HSD17B2: variants seen among roughly 807,000 people sequenced by gnomAD.
The protein encoded by HSD17B2 is 17-beta-hydroxysteroid dehydrogenase type 2.
HSD17B2 carries 32 observed loss-of-function variants against 26.9 expected under a neutral mutation model. The observed-to-expected ratio is 1.19, with a 90% CI of 0.90 to 1.60. The LOEUF (loss-of-function observed/expected upper bound fraction) is 1.60, where lower values mean the gene tolerates loss of function less well. HSD17B2 is among the 40% of genes most tolerant of loss of function. The pLI, the probability that HSD17B2 is intolerant of heterozygous loss-of-function variation, is 0.00. For missense variants in HSD17B2, 613 were observed against 468.6 expected (o/e 1.31, Z -2.85); for synonymous variants, 246 against 186.7 (o/e 1.32, Z -2.59).
intron 2 of HSD17B2, 46 bp from the exon 3 acceptor site, chr16:82,070,896 C>A (rs1914681526): frequency 1.3e-6 from 2 of 1,554,464 alleles, no homozygotes; most frequent in African/African-American, 2.7e-5. Flanking sequence ...TTGTGTTATT[C>A]ACTTCCTCTT....
At chr16:82,081,740 C>T (rs1272779964) in intron 3 of HSD17B2, among the ~76,000 whole-genome samples, 2 of 152,176 alleles carry the variant, frequency 1.3e-5, no homozygotes, top group South Asian at 4.1e-4. Context: ...CACTGCCCCG[C>T]ACTTCTTTAT....
intron 3 of HSD17B2, among the ~76,000 whole-genome samples, chr16:82,078,061 A>G (rs1226183444): frequency 6.6e-6 from 1 of 152,232 alleles, no homozygotes; most frequent in African/African-American, 2.4e-5. Flanking sequence ...GCTTCTGCAC[A>G]GTGAAAGATA....
intron 1 of HSD17B2, among the ~76,000 whole-genome samples, chr16:82,059,033 G>C (rs111832058): frequency 2.0e-5 from 3 of 152,292 alleles, no homozygotes; most frequent in African/African-American, 4.8e-5. Context: ...CAGCCCAAGA[G>C]AGTCCGTACT....
At chr16:82,077,337 G>C (rs1333068989) in intron 3 of HSD17B2, among the ~76,000 whole-genome samples, 5 of 151,560 alleles carry the variant, frequency 3.3e-5, no homozygotes, top group African/African-American at 1.2e-4. Context: ...CAACAGAACA[G>C]GATAGAGAAC....
chr16:82,058,104 C>A lies in HSD17B2; in HGVS notation c.266-10066C>A, dbSNP rs538929970. ...TTTTTTTTTTTGAGATAGGGTTTTG[C>A]TCTGTCGCCTAGGCTGGAGTGCAGC... On this transcript the variant is annotated intron_variant, in intron 1 of 4. Coordinates refer to ENST00000199936, the MANE Select transcript of HSD17B2 (RefSeq NM_002153.3). Among the ~76,000 whole-genome samples, 3 of 144,240 alleles carry A rather than the reference C, an allele frequency of 2.1e-5. No homozygotes were observed. In the East Asian group the frequency reaches 6.0e-4, roughly 29 times the overall value. 94.6% of individuals were successfully genotyped at this position (144,240 alleles called of 152,430 possible).
chr16:82,098,231 C>T lies in HSD17B2; in HGVS notation c.959C>T (p.Pro320Leu), dbSNP rs150960173. ...INSLASKDFSPVLRDIQHAIL... is the reference protein window; with the variant it reads ...INSLASKDFSLVLRDIQHAIL... ...TCGTTAGCCAGCAAGGACTTCTCTC[C>T]GGTGCTGCGGGACATCCAGCATGCT... The change falls in exon 5 of 5, where the codon CCG becomes CTG. Residue 320 changes from proline to leucine, a missense_variant. Physicochemically the swap from Pro to Leu is moderately conservative, Grantham distance 98. Transcript: ENST00000199936. 482 of 1,614,186 alleles carry T rather than the reference C, an allele frequency of 3.0e-4. No individual in the cohort carries two copies. The highest frequency in any genetic ancestry group is 1.0e-3 in the Admixed American group (60 of 60,026).
At position 82,098,136 on chromosome 16, in the gene HSD17B2, C is replaced by T. The variant is rs747352010; in HGVS notation, c.864C>T (p.Pro288=). The change falls in exon 5 of 5, where the codon CCC becomes CCT. Residue 288 remains proline, a synonymous_variant. Transcript: ENST00000199936. Reference sequence around the variant, plus strand: ...AGAAGGACATTCTGGACCACCTCCCCGCTGAGGTACAGGAAGACTACGGCC... The same window carrying T: ...AGAAGGACATTCTGGACCACCTCCCTGCTGAGGTACAGGAAGACTACGGCC... The part of the protein sequence containing the change: ...KLEKDILDHL[P]AEVQEDYGQD... The T allele has an allele frequency of 2.5e-5, 41 of 1,613,964 alleles. No homozygotes were observed. The highest frequency in any genetic ancestry group is 3.1e-5 in the Non-Finnish European group (36 of 1,179,946).
chr16:82,096,288 C>A (rs888771646), intron 4 of HSD17B2: 1 of 152,202 alleles, frequency 6.6e-6, no homozygotes, highest in Non-Finnish European at 1.5e-5. Flanking sequence ...GTGGTGCGAT[C>A]TCAGCTCACT....
intron 1 of HSD17B2, among the ~76,000 whole-genome samples, chr16:82,063,664 T>C (rs1252225455): frequency 3.3e-5 from 5 of 152,216 alleles, no homozygotes; most frequent in African/African-American, 1.2e-4. Context: ...GTAAATATTT[T>C]GCTTTGCTAA....
chr16:82,083,991 T>G (rs1449443313), intron 3 of HSD17B2, among the ~76,000 whole-genome samples: 1 of 152,228 alleles, frequency 6.6e-6, no homozygotes, highest in Non-Finnish European at 1.5e-5. Flanking sequence ...TCGCCAGTTT[T>G]GCTCTTCAGA....
At chr16:82,051,648 G>C (rs1914110745) in intron 1 of HSD17B2, among the ~76,000 whole-genome samples, 1 of 152,144 alleles carries the variant, frequency 6.6e-6, no homozygotes, top group Non-Finnish European at 1.5e-5. Context: ...GTGACGAGTT[G>C]ATAGGTGAAG....
chr16:82,058,613 C>T (rs1482083883), intron 1 of HSD17B2, among the ~76,000 whole-genome samples: 1 of 152,160 alleles, frequency 6.6e-6, no homozygotes, highest in African/African-American at 2.4e-5. Flanking sequence ...CCTACCCCAC[C>T]CATTCCCACA....
intron 4 of HSD17B2, chr16:82,095,422 G>A (rs2966246): frequency 6.5e-6 from 1 of 152,740 alleles, no homozygotes; most frequent in Non-Finnish European, 1.5e-5. Context: ...AGGAGTCACC[G>A]AAGCTAGCAA....
chr16:82,047,095 T>C (rs1597121043), intron 1 of HSD17B2, among the ~76,000 whole-genome samples: 1 of 152,286 alleles, frequency 6.6e-6, no homozygotes, highest in East Asian at 1.9e-4. Context: ...CCTTACCCCA[T>C]AGCACCAGAG....
intron 1 of HSD17B2, among the ~76,000 whole-genome samples, chr16:82,036,383 G>A (rs148470381): frequency 2.1e-3 from 318 of 150,934 alleles, no homozygotes; most frequent in African/African-American, 7.4e-3. Context: ...GCAAGTGTGA[G>A]GCCAAATTAA....
chr16:82,054,745 A>G (rs1366140751), intron 1 of HSD17B2, among the ~76,000 whole-genome samples: 1 of 152,076 alleles, frequency 6.6e-6, no homozygotes, highest in Admixed American at 6.5e-5. Context: ...CATCTCTTTG[A>G]GATGTCATTT....
chr16:82,084,735 T>C (rs534062115), intron 3 of HSD17B2, among the ~76,000 whole-genome samples: 3 of 152,224 alleles, frequency 2.0e-5, no homozygotes, highest in Non-Finnish European at 4.4e-5. Context: ...TAAGAAGAGT[T>C]GAAGATAAAC....
intron 3 of HSD17B2, among the ~76,000 whole-genome samples, chr16:82,076,254 A>G (rs1218712813): frequency 5.9e-5 from 9 of 152,228 alleles, no homozygotes; most frequent in South Asian, 2.1e-4. Context: ...AACAAAAGCC[A>G]TATACAATAG....
intron 4 of HSD17B2, 32 bp from the exon 5 acceptor site, chr16:82,098,043 G>A: frequency 6.3e-7 from 1 of 1,583,318 alleles, no homozygotes; most frequent in Non-Finnish European, 8.6e-7. Context: ...GGCCTTCCCA[G>A]GATCTGACTC....
Sources: gnomAD v4.1 joint callset for allele counts (sites outside exome capture counted in the v4.1 genomes callset) on GRCh38, gnomAD v4.1.1 for gene constraint, MANE v1.5 for transcripts, NCBI Gene and HGNC (gene_info 2026-07-23, HGNC 2026-07-21) for gene names.